BIK: variants seen among roughly 807,000 people sequenced by gnomAD.
BIK encodes BCL2 interacting killer.
A neutral mutation model predicts 12.1 loss-of-function variants in BIK; 14 were observed. The observed-to-expected ratio is 1.16, with a 90% CI of 0.77 to 1.81. The LOEUF (loss-of-function observed/expected upper bound fraction) is 1.81. Among genes scored for constraint, BIK ranks in the 40% most tolerant of loss-of-function variants. The probability of loss-of-function intolerance (pLI) is 0.00; values close to 1 mark genes in which losing one functional copy is unlikely to be tolerated. For missense variants in BIK, 215 were observed against 207.9 expected (o/e 1.03, Z -0.21); for synonymous variants, 86 against 92.3 (o/e 0.93, Z 0.39).
At chr22:43,116,200 ATT>A (rs1930110018) in intron 1 of BIK, among the ~76,000 whole-genome samples, 2 of 152,236 alleles carry the variant, frequency 1.3e-5, no homozygotes, top group Admixed American at 1.3e-4. Flanking sequence ...CAAGAGAATT[ATT>A]AGTCTGTTAG....
intron 1 of BIK, among the ~76,000 whole-genome samples, chr22:43,111,419 A>C (rs1930009047): frequency 6.6e-6 from 1 of 152,152 alleles, no homozygotes; most frequent in Non-Finnish European, 1.5e-5. Flanking sequence ...CGCCCTGCAC[A>C]GGTGCGCCCC....
intron 4 of BIK, 152 bp from the exon 5 acceptor site, chr22:43,129,061 C>G: frequency 2.2e-6 from 3 of 1,391,778 alleles, no homozygotes; most frequent in Non-Finnish European, 3.0e-6. Context: ...GGGCCACTTT[C>G]CCCCTCTCCT....
intron 1 of BIK, among the ~76,000 whole-genome samples, chr22:43,117,358 AT>A (rs201363308): frequency 0.015 from 2,064 of 141,382 alleles, 55 homozygotes; most frequent in African/African-American, 0.049. Flanking sequence ...CATACTACGG[AT>A]TTTTTTTTTT....
rs1930397054 is a variant in BIK at position 43,129,467 on chromosome 22, T to G, written c.*162T>G. 8.2e-7 allele frequency: 1 copy of G among 1,218,304 alleles called. No homozygotes were observed. Among genetic ancestry groups the G allele is most frequent in the African/African-American group, 1.6e-5 (1 of 63,028 alleles). The allele number at this position is 1,218,304 out of a possible 1,614,324, so 75.5% of individuals were successfully genotyped here. ...ACTGCTGAGGTTTTATACTCAGGTT[T>G]TTTGTTTTTTTTTTATTCCAGTTTT... On this transcript the variant is annotated 3_prime_UTR_variant, in exon 5 of 5. Transcript: ENST00000216115.
chr22:43,125,416 CA>C (rs1930294229), intron 2 of BIK, among the ~76,000 whole-genome samples: 1 of 151,942 alleles, frequency 6.6e-6, no homozygotes, highest in Admixed American at 6.6e-5. Context: ...TTTAGAAAAC[CA>C]GAACCGGGCC....
At position 43,122,022 on chromosome 22, in the gene BIK, C is replaced by T. The variant is rs1182545537; in HGVS notation, c.-7-1994C>T. ...CTGGGATTACAGGCGTGAGCCACCG[C>T]ACCCGGCCCATCCATCTCCCTTGAA... On this transcript the variant is annotated intron_variant, in intron 1 of 4. Transcript: ENST00000216115. 2.6e-5 allele frequency among the ~76,000 whole-genome samples: 4 copies of T among 152,250 alleles called. No individual in the cohort carries two copies. The East Asian group carries it at 7.7e-4, about 29-fold the overall frequency.
chr22:43,115,611 C>T (rs535013833), intron 1 of BIK, among the ~76,000 whole-genome samples: 7 of 152,000 alleles, frequency 4.6e-5, no homozygotes, highest in East Asian at 1.9e-4. Flanking sequence ...TACAGGCGTG[C>T]GCCACCACGC....
chr22:43,123,225 G>C (rs1374579334), intron 1 of BIK, among the ~76,000 whole-genome samples: 1 of 152,138 alleles, frequency 6.6e-6, no homozygotes, highest in Non-Finnish European at 1.5e-5. Context: ...AATGGGGATT[G>C]TGATACGTTT....
chr22:43,112,216 GAAAC>G, intron 1 of BIK, among the ~76,000 whole-genome samples: 1 of 151,456 alleles, frequency 6.6e-6, no homozygotes, highest in Non-Finnish European at 1.5e-5. Context: ...GTTTTTTTTT[GAAAC>G]AGAGCTTCGC....
chr22:43,111,782 T>TC (rs1930016580), intron 1 of BIK, among the ~76,000 whole-genome samples: 1 of 152,118 alleles, frequency 6.6e-6, no homozygotes, highest in South Asian at 2.1e-4. Flanking sequence ...CAGCCTCATG[T>TC]CCCCGCATTA....
chr22:43,129,462 AG>A lies in BIK; in HGVS notation c.*159del, dbSNP rs1569468975. ...GGAACACTGCTGAGGTTTTATACTC[AG>A]GTTTTTTGTTTTTTTTTTATTCCAG... is the stretch of plus-strand genomic sequence containing the variant. On this transcript the variant is annotated 3_prime_UTR_variant, in exon 5 of 5. Coordinates refer to ENST00000216115, the MANE Select transcript of BIK (RefSeq NM_001197.5). 2 of 1,249,060 alleles carry A rather than the reference AG, an allele frequency of 1.6e-6. No homozygotes were observed. Among genetic ancestry groups the A allele is most frequent in the African/African-American group, 1.6e-5 (1 of 63,490 alleles). 77.4% of individuals were successfully genotyped at this position (1,249,060 alleles called of 1,614,324 possible).
At chr22:43,120,538 C>CT (rs1344936781) in intron 1 of BIK, among the ~76,000 whole-genome samples, 1 of 152,194 alleles carries the variant, frequency 6.6e-6, no homozygotes, top group African/African-American at 2.4e-5. Flanking sequence ...GTTGAGGCTG[C>CT]TACCTTGAGA....
chr22:43,113,958 C>T (rs1930061428), intron 1 of BIK, among the ~76,000 whole-genome samples: 1 of 152,178 alleles, frequency 6.6e-6, no homozygotes, highest in African/African-American at 2.4e-5. Flanking sequence ...ACTTCCTAGC[C>T]TCCCTTTGTC....
intron 1 of BIK, among the ~76,000 whole-genome samples, chr22:43,120,011 A>G (rs1930189206): frequency 6.6e-6 from 1 of 151,020 alleles, no homozygotes; most frequent in Admixed American, 6.6e-5. Context: ...AAAAGGACCA[A>G]TAGGCGTAGG....
chr22:43,120,185 G>A (rs1016904860), intron 1 of BIK, among the ~76,000 whole-genome samples: 43 of 152,246 alleles, frequency 2.8e-4, no homozygotes, highest in African/African-American at 8.7e-4. Flanking sequence ...AGTGGATGTG[G>A]CACAACCCCC....
rs187036332 is a variant in BIK at position 43,129,683 on chromosome 22, G to T, written c.*378G>T. 8 of 242,376 alleles carry T rather than the reference G, an allele frequency of 3.3e-5. No homozygotes were observed. The Middle Eastern group carries it at 4.4e-3, about 134-fold the overall frequency. 15.0% of individuals were successfully genotyped at this position (242,376 alleles called of 1,614,324 possible). A position where few individuals can be genotyped will look rare whatever the true frequency, so the allele number is the denominator to read the frequency against. On this transcript the variant is annotated 3_prime_UTR_variant, in exon 5 of 5. Transcript: ENST00000216115. ...TACTGGAATAGATTCCGAGGAGCAG[G>T]AGTGCTCAATAAAATGTTGGTTTCC... is the stretch of plus-strand genomic sequence containing the variant.
intron 1 of BIK, among the ~76,000 whole-genome samples, chr22:43,122,822 CTCT>C (rs1930244689): frequency 6.6e-6 from 1 of 152,268 alleles, no homozygotes; most frequent in Admixed American, 6.5e-5. Context: ...CCCCACTCTG[CTCT>C]TCTTGGTCAG....
At chr22:43,128,280 G>A (rs1240815931) in intron 3 of BIK, among the ~76,000 whole-genome samples, 7 of 152,144 alleles carry the variant, frequency 4.6e-5, no homozygotes, top group African/African-American at 7.2e-5. Context: ...GCTGGCTGGC[G>A]GAGGAAGCAG....
chr22:43,111,373 G>C (rs1930007774), intron 1 of BIK, among the ~76,000 whole-genome samples: 1 of 152,218 alleles, frequency 6.6e-6, no homozygotes, highest in African/African-American at 2.4e-5. Flanking sequence ...CGTGCACACG[G>C]AGCGGCGCGC....
Sources: gnomAD v4.1 joint callset for allele counts (sites outside exome capture counted in the v4.1 genomes callset) on GRCh38, gnomAD v4.1.1 for gene constraint, MANE v1.5 for transcripts, NCBI Gene and HGNC (gene_info 2026-07-23, HGNC 2026-07-21) for gene names.